The following PAPOLG variants were observed in gnomAD, a reference collection of about 807,000 sequenced individuals.
PAPOLG encodes the protein PAP-gamma.
PAPOLG carries 40 observed loss-of-function variants against 99.0 expected under a neutral mutation model. The ratio of observed to expected loss-of-function variants is 0.40; its 90% CI spans 0.31 to 0.53. The LOEUF (loss-of-function observed/expected upper bound fraction) is 0.53, where lower values mean the gene tolerates loss of function less well. Ranked by LOEUF, PAPOLG falls within the 20% of genes least tolerant of loss-of-function variation. The pLI is 0.41. For synonymous variants in PAPOLG, 310 were observed against 299.3 expected (o/e 1.04, Z -0.37); for missense variants, 675 against 884.1 (o/e 0.76, Z 3.00).
At position 60,789,904 on chromosome 2, in the gene PAPOLG, A is replaced by AC. The variant is rs556791661; in HGVS notation, c.1397-1856dup. Among the ~76,000 whole-genome samples the AC allele has an allele frequency of 2.0e-4, 30 of 152,288 alleles. No homozygotes were observed. In the South Asian group the frequency reaches 6.0e-3, roughly 30 times the overall value. On this transcript the variant is annotated intron_variant, in intron 15 of 21. Coordinates refer to ENST00000238714, the MANE Select transcript of PAPOLG (RefSeq NM_022894.4). ...CTGGAGTTCAAGACCAACCTGGCCAACATGGTGAAACCCCACCCATCTCTA... is the reference window on the plus strand; with the variant it reads ...CTGGAGTTCAAGACCAACCTGGCCAACCATGGTGAAACCCCACCCATCTCTA...
intron 15 of PAPOLG, 117 bp downstream of exon 15, chr2:60,787,737 GGCATAT>G: frequency 7.6e-7 from 1 of 1,320,800 alleles, no homozygotes; most frequent in Non-Finnish European, 1.0e-6. Flanking sequence ...AAGTGAACAT[GGCATAT>G]CCGTATTGCT....
intron 1 of PAPOLG, among the ~76,000 whole-genome samples, 160 bp downstream of exon 1, chr2:60,756,655 C>A (rs1273868211): frequency 2.6e-5 from 4 of 152,120 alleles, no homozygotes; most frequent in Non-Finnish European, 5.9e-5. Flanking sequence ...GGCACCTCCC[C>A]TAAACCCGGC....
At chr2:60,783,942 T>C (rs144812952) in intron 13 of PAPOLG, among the ~76,000 whole-genome samples, 3 of 152,358 alleles carry the variant, frequency 2.0e-5, no homozygotes, top group Non-Finnish European at 2.9e-5. Flanking sequence ...TGGATGATTC[T>C]GATAGCTACC....
chr2:60,771,497 CT>C, intron 6 of PAPOLG, 21 bp from the exon 7 acceptor site: 1 of 1,561,178 alleles, frequency 6.4e-7, no homozygotes, highest in Non-Finnish European at 8.6e-7. Context: ...ATTTTTTTCT[CT>C]TTTTTCACAT....
At chr2:60,794,830 G>C in intron 20 of PAPOLG, 55 bp downstream of exon 20, 1 of 1,541,744 alleles carries the variant, frequency 6.5e-7, no homozygotes, top group Non-Finnish European at 8.9e-7. Context: ...CCATGTATCA[G>C]GAAAAGTGCC....
chr2:60,777,552 T>A (rs1226121691), intron 8 of PAPOLG, among the ~76,000 whole-genome samples: 11 of 152,228 alleles, frequency 7.2e-5, no homozygotes, highest in Admixed American at 6.5e-4. Context: ...TTTCTGTCAA[T>A]AACTTTTCCT....
rs1474912481 is a variant in PAPOLG at position 60,797,106 on chromosome 2, A to G, written c.2157A>G (p.Pro719=). 1.9e-6 allele frequency: 3 copies of G among 1,613,924 alleles called. No individual in the cohort carries two copies. Among genetic ancestry groups the G allele is most frequent in the African/African-American group, 1.3e-5 (1 of 74,936 alleles). Residue 719 remains proline (P), a synonymous_variant, in exon 22 of 22, where the codon CCA becomes CCG. Coordinates refer to ENST00000238714, the MANE Select transcript of PAPOLG (RefSeq NM_022894.4). ...TACCAGATTCATCATCTCCAGTTCC[A>G]GCAAACAACATCCGTGTCATCAAAA... ...KELPDSSSPV[P]ANNIRVIKNS...
Position 60,801,165 on chromosome 2 carries a change from G to A in PAPOLG, c.*4005G>A, listed in dbSNP as rs916963097. On this transcript the variant is annotated 3_prime_UTR_variant, in exon 22 of 22. Transcript: ENST00000238714. ...TAAAGATCCCAAAATGTTGAGTTCT[G>A]TAGCATGAAAACTCTCTTGCTCCTC... is the stretch of plus-strand genomic sequence containing the variant. 2.6e-5 allele frequency: 4 copies of A among 152,126 alleles called. No homozygotes were observed. The highest frequency in any genetic ancestry group is 9.7e-5 in the African/African-American group (4 of 41,362). The allele number at this position is 152,126 out of a possible 1,614,324, so 9.4% of individuals were successfully genotyped here.
At chr2:60,772,346 C>T (rs1458327703) in intron 7 of PAPOLG, among the ~76,000 whole-genome samples, 1 of 151,118 alleles carries the variant, frequency 6.6e-6, no homozygotes, top group Non-Finnish European at 1.5e-5. Context: ...ACTCAGGAGG[C>T]TGAGGTGAGA....
chr2:60,781,224 G>A (rs1671178559), intron 10 of PAPOLG, among the ~76,000 whole-genome samples: 1 of 152,120 alleles, frequency 6.6e-6, no homozygotes, highest in Non-Finnish European at 1.5e-5. Flanking sequence ...GGGCGTGGTG[G>A]TGCACACCTG....
chr2:60,795,209 A>C, intron 21 of PAPOLG, 189 bp downstream of exon 21: 1 of 662,136 alleles, frequency 1.5e-6, no homozygotes, highest in Non-Finnish European at 2.7e-6. Context: ...GTACCTCAAA[A>C]GTCTAAAAAA....
chr2:60,760,074 TGTATCA>T (rs1479757124), intron 1 of PAPOLG, 54 bp from the exon 2 acceptor site: 1 of 1,481,666 alleles, frequency 6.7e-7, no homozygotes, highest in Non-Finnish European at 9.2e-7. Context: ...AGAGATTCAG[TGTATCA>T]GTATGGTATA....
Position 60,800,855 on chromosome 2 carries a change from G to A in PAPOLG, c.*3695G>A, listed in dbSNP as rs987991445. 1.3e-5 allele frequency: 2 copies of A among 152,288 alleles called. No individual in the cohort carries two copies. The highest frequency in any genetic ancestry group is 2.9e-5 in the Non-Finnish European group (2 of 68,030). The allele number at this position is 152,288 out of a possible 1,614,324, so 9.4% of individuals were successfully genotyped here. On this transcript the variant is annotated 3_prime_UTR_variant, in exon 22 of 22. Coordinates refer to ENST00000238714, the MANE Select transcript of PAPOLG (RefSeq NM_022894.4). ...GAATATTATATAATTTTCTACTTTT[G>A]ATTTTGCTGTGGTATATTTCTGAAA...
intron 15 of PAPOLG, among the ~76,000 whole-genome samples, chr2:60,790,456 T>C (rs1352196775): frequency 6.6e-6 from 1 of 152,216 alleles, no homozygotes; most frequent in Non-Finnish European, 1.5e-5. Context: ...ATATTTACAA[T>C]TAAAACATTA....
intron 1 of PAPOLG, among the ~76,000 whole-genome samples, chr2:60,758,268 T>C (rs192402374): frequency 5.3e-5 from 8 of 152,036 alleles, no homozygotes; most frequent in Admixed American, 3.3e-4. Flanking sequence ...ATTGAAGTTT[T>C]GTTTGTTCTA....
chr2:60,784,059 C>T (rs148513263), intron 13 of PAPOLG, among the ~76,000 whole-genome samples: 1,532 of 152,284 alleles, frequency 0.01, 26 homozygotes, highest in Non-Finnish European at 0.012. Context: ...CTGCAACCTC[C>T]GCCTCCCGGG....
rs1342709300 is a variant in PAPOLG, at chr2:60,759,271, G to C, written c.18-863G>C. On this transcript the variant is annotated intron_variant, in intron 1 of 21. Coordinates refer to ENST00000238714, the MANE Select transcript of PAPOLG (RefSeq NM_022894.4). ...TAATCCCAGCTACTTGGGAGGCTGA[G>C]GTAGGAGAATTGCTTGAACCCAGGA... is the stretch of plus-strand genomic sequence containing the variant. Among the ~76,000 whole-genome samples the C allele has an allele frequency of 2.6e-5, 4 of 152,086 alleles. No individual in the cohort carries two copies. The South Asian group carries it at 8.3e-4, about 31-fold the overall frequency.
rs150009731 is a variant in PAPOLG, at chr2:60,780,511, G to A, written c.834-196G>A. On this transcript the variant is annotated intron_variant, in intron 9 of 21. Transcript: ENST00000238714. ...GGATGGTCTCGAACTCCTGAGCTCA[G>A]GTGATCTGCCTGCCTCAGCTTCCCA... 2.8e-3 allele frequency among the ~76,000 whole-genome samples: 433 copies of A among 152,222 alleles called. 1 individual carries two copies. The highest frequency in any genetic ancestry group is 4.4e-3 in the Non-Finnish European group (297 of 68,006).
intron 5 of PAPOLG, among the ~76,000 whole-genome samples, chr2:60,769,931 C>G (rs541471183): frequency 1.6e-4 from 24 of 151,656 alleles, no homozygotes; most frequent in African/African-American, 4.6e-4. Context: ...TCCCCCACCC[C>G]CCGACAGGCC....
Sources: gnomAD v4.1 joint callset for allele counts (sites outside exome capture counted in the v4.1 genomes callset) on GRCh38, gnomAD v4.1.1 for gene constraint, MANE v1.5 for transcripts, NCBI Gene and HGNC (gene_info 2026-07-23, HGNC 2026-07-21) for gene names.